SERPINB9: variants seen among roughly 807,000 people sequenced by gnomAD.
SERPINB9 encodes the protein serpin family B member 9.
Under a neutral mutation model 27.2 loss-of-function variants are expected in SERPINB9, and 20 were observed. The ratio of observed to expected loss-of-function variants is 0.74; its 90% CI spans 0.52 to 1.07. SERPINB9 has a LOEUF of 1.07. Ranked by LOEUF, SERPINB9 falls within the 50% of genes least tolerant of loss-of-function variation. The pLI is 0.00. For synonymous variants in SERPINB9, 189 were observed against 180.0 expected (o/e 1.05, Z -0.40); for missense variants, 476 against 460.1 (o/e 1.03, Z -0.32).
In SERPINB9 at chr6:2,889,842, C is replaced by T. The variant is rs1215026409; in HGVS notation, c.*321G>A. 7.5e-6 allele frequency: 2 copies of T among 266,712 alleles called. No homozygotes were observed. Among genetic ancestry groups the T allele is most frequent in the Non-Finnish European group, 1.4e-5 (2 of 139,828 alleles). 16.5% of individuals were successfully genotyped at this position (266,712 alleles called of 1,614,324 possible). ...GGCAGCGGGTTAAGGAATGTATTCG[C>T]AGTGTCAGGAAAGCACAGGGTCGCC... On this transcript the variant is annotated 3_prime_UTR_variant, in exon 7 of 7. Transcript: ENST00000380698.
At chr6:2,901,385 C>T (rs549369669) in intron 1 of SERPINB9, among the ~76,000 whole-genome samples, 16 of 152,216 alleles carry the variant, frequency 1.1e-4, no homozygotes, top group Non-Finnish European at 2.1e-4. Context: ...CTTCCTAACT[C>T]AGAAACATCT....
chr6:2,895,585 GT>G, intron 3 of SERPINB9, 77 bp from the exon 4 acceptor site: 1 of 863,984 alleles, frequency 1.2e-6, no homozygotes, highest in Non-Finnish European at 1.9e-6. Flanking sequence ...TTCTAAATAT[GT>G]TATCTTTTTT....
At position 2,893,516 on chromosome 6, in the gene SERPINB9, A is replaced by G; in HGVS notation, c.462T>C (p.Asp154=). 1.2e-6 allele frequency: 2 copies of G among 1,612,874 alleles called. No homozygotes were observed. Among genetic ancestry groups the G allele is most frequent in the Non-Finnish European group, 1.7e-6 (2 of 1,179,316 alleles). Residue 154 remains aspartate (D), a synonymous_variant, in exon 5 of 7, where the codon GAT becomes GAC. Transcript: ENST00000380698. ...TGACAAGAACCAGCCTGGTTTCTGC[A>G]TCAATTGAGCTACCCGGCAACAACT... ...IEELLPGSSI[D]AETRLVLVNA...
intron 4 of SERPINB9, 127 bp from the exon 5 acceptor site, chr6:2,893,680 AG>A: frequency 1.3e-6 from 1 of 741,888 alleles, no homozygotes; most frequent in Non-Finnish European, 2.2e-6. Flanking sequence ...GTTGTTATGT[AG>A]AGAAATAAAA....
rs1182732151 is a variant in SERPINB9, at chr6:2,891,960, T to TA, written c.595dup (p.Tyr199LeufsTer7). 1 of 1,613,692 alleles carries TA rather than the reference T, an allele frequency of 6.2e-7. No individual in the cohort carries two copies. On this transcript the variant is annotated frameshift_variant, in exon 6 of 7. Coordinates refer to ENST00000380698, the MANE Select transcript of SERPINB9 (RefSeq NM_004155.6). LOFTEE classifies it high-confidence loss of function. This position sits in a 1 kb window ranked among gnomAD's most constrained non-coding sequence, Gnocchi z 4.0. ...GGCGAGCTTAAACGTGGCCTCCTGATACATCATCTGCACTGGCCTTTGCTC... is the reference window on the plus strand; with the variant it reads ...GGCGAGCTTAAACGTGGCCTCCTGATAACATCATCTGCACTGGCCTTTGCTC...
rs573261460 is a variant in SERPINB9, at chr6:2,893,619, T to G, written c.425-66A>C. ...AAGAACCTGATGCATTGGATGATCC[T>G]GGATCATTAGTTGAGAAGCAAACTT... On this transcript the variant is annotated intron_variant, in intron 4 of 6. Coordinates refer to ENST00000380698, the MANE Select transcript of SERPINB9 (RefSeq NM_004155.6). 5 of 1,391,226 alleles carry G rather than the reference T, an allele frequency of 3.6e-6. No individual in the cohort carries two copies. In the East Asian group the frequency reaches 1.2e-4, roughly 33 times the overall value. 86.2% of individuals were successfully genotyped at this position (1,391,226 alleles called of 1,614,324 possible).
At chr6:2,896,580 AAC>A (rs543398756) in intron 2 of SERPINB9, among the ~76,000 whole-genome samples, 48 of 152,350 alleles carry the variant, frequency 3.2e-4, no homozygotes, top group African/African-American at 1.1e-3. Flanking sequence ...ATAAGACAAT[AAC>A]ACAGTTATTA....
rs149978636 is a variant in SERPINB9, at chr6:2,900,482, G to A, written c.130C>T (p.Leu44=). 2,375 of 1,614,074 alleles carry A rather than the reference G, an allele frequency of 1.5e-3. 4 individuals carry two copies. The highest frequency in any genetic ancestry group is 1.8e-3 in the Admixed American group (108 of 60,016). ...SISSALAMVL[L]GAKGNTATQM... ...GTTGCGGTGTTTCCCTTTGCCCCTA[G>A]GAGAACCATGGCCAGGGCAGAGGAG... is the stretch of plus-strand genomic sequence containing the variant. Residue 44 remains leucine, a synonymous_variant, in exon 2 of 7, where the codon CTA becomes TTA. Coordinates refer to ENST00000380698, the MANE Select transcript of SERPINB9 (RefSeq NM_004155.6).
In SERPINB9 at chr6:2,891,919, G is replaced by C; in HGVS notation, c.637C>G (p.Arg213Gly). Residue 213 changes from arginine to glycine, a missense_variant, in exon 6 of 7, where the codon CGC becomes GGC. Coordinates refer to ENST00000380698, the MANE Select transcript of SERPINB9 (RefSeq NM_004155.6). This position sits in a 1 kb window ranked among gnomAD's most constrained non-coding sequence, Gnocchi z 4.0. ...TFKLAHVGEV[R>G]AQLLELPYAR... ...TAGGGCAGCTCCAGCAGCTGCGCGCGCACCTCGCCCACGTGGGCGAGCTTA... is the reference window on the plus strand; with the variant it reads ...TAGGGCAGCTCCAGCAGCTGCGCGCCCACCTCGCCCACGTGGGCGAGCTTA... The C allele has an allele frequency of 1.9e-6, 3 of 1,613,066 alleles. No homozygotes were observed. Among genetic ancestry groups the C allele is most frequent in the Non-Finnish European group, 2.5e-6 (3 of 1,179,828 alleles).
intron 1 of SERPINB9, among the ~76,000 whole-genome samples, chr6:2,901,626 C>T (rs1353167489): frequency 2.6e-5 from 4 of 152,116 alleles, no homozygotes; most frequent in Non-Finnish European, 4.4e-5. Context: ...AATGAACCCC[C>T]ACCCCCAGGC....
intron 5 of SERPINB9, 112 bp from the exon 6 acceptor site, chr6:2,892,100 AACACT>A: frequency 7.5e-6 from 2 of 265,586 alleles, no homozygotes; most frequent in Non-Finnish European, 1.3e-5. Context: ...TGCCCCAGTT[AACACT>A]AAAAAAAAAA....
rs10714355 is a variant in SERPINB9 at position 2,889,698 on chromosome 6, GAA to G, written c.*463_*464del. ...CGACAGAGAGCCAGACTGCGTCTCAGAAAAAAAAAAAAAAAAAAGATAAAATA... is the reference window on the plus strand; with the variant it reads ...CGACAGAGAGCCAGACTGCGTCTCAGAAAAAAAAAAAAAAAAGATAAAATA... On this transcript the variant is annotated 3_prime_UTR_variant, in exon 7 of 7. Transcript: ENST00000380698. The G allele has an allele frequency of 0.039, 3,996 of 101,422 alleles. 170 individuals carry two copies. The highest frequency in any genetic ancestry group is 0.12 in the African/African-American group (3,479 of 28,744). 6.3% of individuals were successfully genotyped at this position (101,422 alleles called of 1,614,324 possible).
At position 2,891,795 on chromosome 6, in the gene SERPINB9, A is replaced by G. The variant is rs185130829; in HGVS notation, c.723+38T>C. On this transcript the variant is annotated intron_variant, in intron 6 of 6. Transcript: ENST00000380698. This position sits in a 1 kb window ranked among gnomAD's most constrained non-coding sequence, Gnocchi z 4.0. ...AAGTGGCACTCGAGTTCTGCCCGCA[A>G]AGGTGTCCCTGGGTTCTTCCCGCAG... 135 of 1,552,630 alleles carry G rather than the reference A, an allele frequency of 8.7e-5. No homozygotes were observed. The highest frequency in any genetic ancestry group is 2.4e-4 in the African/African-American group (17 of 72,280).
In SERPINB9 at chr6:2,891,497, C is replaced by A. The variant is rs1767798656; in HGVS notation, c.723+336G>T. On this transcript the variant is annotated intron_variant, in intron 6 of 6. Transcript: ENST00000380698. This position sits in a 1 kb window ranked among gnomAD's most constrained non-coding sequence, Gnocchi z 4.0. The stretch of plus-strand genomic sequence containing the variant: ...CTAGGAGGCAATAACCCCGAGCAGT[C>A]ATTTATGCTTTTAGAGTTAAAAGTC... 3.9e-5 allele frequency among the ~76,000 whole-genome samples: 6 copies of A among 152,144 alleles called. No individual in the cohort carries two copies. The highest frequency in any genetic ancestry group is 3.3e-4 in the Admixed American group (5 of 15,282).
At chr6:2,898,559 T>A (rs1768080236) in intron 2 of SERPINB9, among the ~76,000 whole-genome samples, 1 of 152,250 alleles carries the variant, frequency 6.6e-6, no homozygotes, top group African/African-American at 2.4e-5. Flanking sequence ...GGCTCACGCC[T>A]GTAATCCCAG....
rs140377935 is a variant in SERPINB9 at position 2,890,625 on chromosome 6, G to A, written c.724-55C>T. On this transcript the variant is annotated intron_variant, in intron 6 of 6. Coordinates refer to ENST00000380698, the MANE Select transcript of SERPINB9 (RefSeq NM_004155.6). The surrounding 1 kb of genome is among the most constrained non-coding windows in gnomAD (Gnocchi z 6.2). ...CCGACTTCAGTGCACATGTACAAGC[G>A]CACAGGCACTCACAGTTCCCTTCCT... 1,131 of 1,516,882 alleles carry A rather than the reference G, an allele frequency of 7.5e-4. 4 individuals carry two copies. Among genetic ancestry groups the A allele is most frequent in the Middle Eastern group, 2.1e-3 (12 of 5,720 alleles). 94.0% of individuals were successfully genotyped at this position (1,516,882 alleles called of 1,614,324 possible). A position where few individuals can be genotyped will look rare whatever the true frequency, so the allele number is the denominator to read the frequency against.
Position 2,896,064 on chromosome 6 carries a change from G to C in SERPINB9, c.295C>G (p.Gln99Glu). 3 of 1,613,054 alleles carry C rather than the reference G, an allele frequency of 1.9e-6. No homozygotes were observed. Among genetic ancestry groups the C allele is most frequent in the Non-Finnish European group, 2.5e-6 (3 of 1,179,736 alleles). ...TTGATTCAACTTACTGAGAGGAACT[G>C]ACAAGTTTTCTCTCCAAAGAGCCTG... Reference protein sequence around the residue: ...ANRLFGEKTCQFLSTFKESCL... With the variant: ...ANRLFGEKTCEFLSTFKESCL... The change falls in exon 3 of 7, where the codon CAG becomes GAG. Residue 99 changes from glutamine to glutamate, a missense_variant. Transcript: ENST00000380698.
rs554702357 is a variant in SERPINB9 at position 2,889,170 on chromosome 6, G to A, written c.*993C>T. 1.3e-5 allele frequency: 2 copies of A among 152,278 alleles called. No individual in the cohort carries two copies. Among genetic ancestry groups the A allele is most frequent in the African/African-American group, 2.4e-5 (1 of 41,564 alleles). 9.4% of individuals were successfully genotyped at this position (152,278 alleles called of 1,614,324 possible). A position where few individuals can be genotyped will look rare whatever the true frequency, so the allele number is the denominator to read the frequency against. On this transcript the variant is annotated 3_prime_UTR_variant, in exon 7 of 7. Coordinates refer to ENST00000380698, the MANE Select transcript of SERPINB9 (RefSeq NM_004155.6). ...GTTGAATGGAATTTTTACTGTTAGA[G>A]GTAGAGAAATACAATATCATAAAGA... is the stretch of plus-strand genomic sequence containing the variant.
Position 2,895,939 on chromosome 6 carries a change from A to G in SERPINB9, c.306+114T>C, listed in dbSNP as rs140765695. The G allele has an allele frequency of 6.3e-4, 768 of 1,219,436 alleles. 3 individuals carry two copies. The African/African-American group carries it at 0.011, about 17-fold the overall frequency. 75.5% of individuals were successfully genotyped at this position (1,219,436 alleles called of 1,614,324 possible). On this transcript the variant is annotated intron_variant, in intron 3 of 6. Transcript: ENST00000380698. ...CCATCTTAGAAAAAAAAATAGTGCAATTTTTTTAAATTGGTTAACATAAAT... is the reference window on the plus strand; with the variant it reads ...CCATCTTAGAAAAAAAAATAGTGCAGTTTTTTTAAATTGGTTAACATAAAT...
Sources: gnomAD v4.1 joint callset for allele counts (sites outside exome capture counted in the v4.1 genomes callset) on GRCh38, gnomAD v4.1.1 for gene constraint, Gnocchi (gnomAD v3.1) non-coding constraint, MANE v1.5 for transcripts, NCBI Gene and HGNC (gene_info 2026-07-23, HGNC 2026-07-21) for gene names.